PRKAG1: variants seen among roughly 807,000 people sequenced by gnomAD.
PRKAG1 encodes protein kinase AMP-activated non-catalytic subunit gamma 1, also known as 5'-AMP-activated protein kinase subunit gamma-1.
Under a neutral mutation model 48.2 loss-of-function variants are expected in PRKAG1, and 27 were observed. That is an observed-to-expected ratio of 0.56 (90% CI 0.41 to 0.77). PRKAG1 has a LOEUF of 0.77. PRKAG1 is among the 30% of genes least tolerant of loss of function. The pLI is 0.00. For synonymous variants in PRKAG1, 130 were observed against 147.7 expected (o/e 0.88, Z 0.87); for missense variants, 287 against 398.3 (o/e 0.72, Z 2.38).
In PRKAG1 at chr12:49,005,374, A is replaced by G; in HGVS notation, c.251-10T>C. 6.2e-7 allele frequency: 1 copy of G among 1,614,092 alleles called. No homozygotes were observed. Among genetic ancestry groups the G allele is most frequent in the Non-Finnish European group, 8.5e-7 (1 of 1,180,030 alleles). ...GTGATGGTCAGCATGCCTAGAGGACAAGACAGAGCCCTCAGCACTGCCTGA... is the reference window on the plus strand; with the variant it reads ...GTGATGGTCAGCATGCCTAGAGGACGAGACAGAGCCCTCAGCACTGCCTGA... On this transcript the variant is annotated splice_polypyrimidine_tract_variant and intron_variant, in intron 4 of 11. Transcript: ENST00000548065. The surrounding 1 kb of genome is among the most constrained non-coding windows in gnomAD (Gnocchi z 4.1).
Position 49,005,280 on chromosome 12 carries a change from T to C in PRKAG1, c.309+26A>G, listed in dbSNP as rs1305068290. 1.2e-6 allele frequency: 2 copies of C among 1,613,612 alleles called. No individual in the cohort carries two copies. Among genetic ancestry groups the C allele is most frequent in the Admixed American group, 1.7e-5 (1 of 59,986 alleles). ...GGGATTTAGGGCAGGGAAAGTGATTTTGGTCATTGGGTTAAGGTTCCTTAC... is the reference window on the plus strand; with the variant it reads ...GGGATTTAGGGCAGGGAAAGTGATTCTGGTCATTGGGTTAAGGTTCCTTAC... On this transcript the variant is annotated intron_variant, in intron 5 of 11. Transcript: ENST00000548065. This position sits in a 1 kb window ranked among gnomAD's most constrained non-coding sequence, Gnocchi z 4.1.
rs199915389 is a variant in PRKAG1, at chr12:49,015,605, CTG to C, written c.10-2497_10-2496del. 5.0e-3 allele frequency among the ~76,000 whole-genome samples: 754 copies of C among 152,258 alleles called. 6 individuals are homozygous for C. The highest frequency in any genetic ancestry group is 0.017 in the African/African-American group (706 of 41,542). On this transcript the variant is annotated intron_variant, in intron 1 of 11. Transcript: ENST00000548065. ...TTTTGGGCGGGTGGGCAGAGTCTCG[CTG>C]TGTCTCCCAGGCTGGAGTGCAGTGA...
chr12:49,008,773 C>T (rs1941644881), intron 2 of PRKAG1, among the ~76,000 whole-genome samples: 2 of 152,174 alleles, frequency 1.3e-5, no homozygotes, highest in African/African-American at 2.4e-5. Context: ...CTGCTAGCTG[C>T]TGGTGTTGTT....
intron 2 of PRKAG1, among the ~76,000 whole-genome samples, chr12:49,011,902 G>A (rs761668527): frequency 1.3e-5 from 2 of 151,398 alleles, no homozygotes; most frequent in Non-Finnish European, 2.9e-5. Context: ...CTGTCGCCCA[G>A]GCTGGGGTGT....
Position 49,005,702 on chromosome 12 carries a change from A to G in PRKAG1, c.168+41T>C, listed in dbSNP as rs1941508672. ...GAGATAGGATGAGAGGTATTAAACC[A>G]CAGGCTCCAAAGGGGGAAGGGAAAA... On this transcript the variant is annotated intron_variant, in intron 3 of 11. Transcript: ENST00000548065. The surrounding 1 kb of genome is among the most constrained non-coding windows in gnomAD (Gnocchi z 4.1). 1 of 1,608,002 alleles carries G rather than the reference A, an allele frequency of 6.2e-7. No homozygotes were observed. Among genetic ancestry groups the G allele is most frequent in the Admixed American group, 1.7e-5 (1 of 59,980 alleles).
intron 2 of PRKAG1, among the ~76,000 whole-genome samples, chr12:49,009,628 T>C (rs1941679588): frequency 6.6e-6 from 1 of 152,170 alleles, no homozygotes; most frequent in Admixed American, 6.5e-5. Flanking sequence ...TTTTGTTTTT[T>C]TGAGACAGAG....
In PRKAG1 at chr12:49,018,733, G is replaced by C. The variant is rs765950307; in HGVS notation, c.8C>G (p.Thr3Arg). 2 of 1,613,230 alleles carry C rather than the reference G, an allele frequency of 1.2e-6. No homozygotes were observed. The highest frequency in any genetic ancestry group is 1.7e-6 in the Non-Finnish European group (2 of 1,179,994). Residue 3 changes from threonine to arginine, a missense_variant and splice_region_variant, in exon 1 of 12, where the codon ACG (threonine) becomes AGG (arginine). Physicochemically the swap from Thr to Arg is moderately conservative, Grantham distance 71. This residue lies in a region of PRKAG1 where 63 missense variants were observed against 54.0 expected (regional missense o/e 1.17). Transcript: ENST00000548065. ...CGACCGCCCTCCTGCACTCCTCACC[G>C]TCTCCATTGCAAGAGGCGCCCGGCT... is the stretch of plus-strand genomic sequence containing the variant. ME[T>R]VISSDSSPAV...
At chr12:49,003,648 C>T in intron 9 of PRKAG1, 53 bp from the exon 10 acceptor site, 2 of 1,612,092 alleles carry the variant, frequency 1.2e-6, no homozygotes, top group Non-Finnish European at 1.7e-6. Flanking sequence ...AAAGCTCCCC[C>T]TACTCATAGA....
rs567537048 is a variant in PRKAG1 at position 49,002,830 on chromosome 12, T to C, written c.*69A>G. The stretch of plus-strand genomic sequence containing the variant: ...ACAATTCCCTCAAGTTTCATCTGAT[T>C]CCCACAGAGCTTCCAGCAGGCAGTG... On this transcript the variant is annotated 3_prime_UTR_variant, in exon 12 of 12. Transcript: ENST00000548065. 3 of 1,420,850 alleles carry C rather than the reference T, an allele frequency of 2.1e-6. No homozygotes were observed. Among genetic ancestry groups the C allele is most frequent in the Admixed American group, 3.7e-5 (2 of 54,226 alleles). 88.0% of individuals were successfully genotyped at this position (1,420,850 alleles called of 1,614,324 possible). A position where few individuals can be genotyped will look rare whatever the true frequency, so the allele number is the denominator to read the frequency against.
rs747290940 is a variant in PRKAG1 at position 49,005,295 on chromosome 12, A to T, written c.309+11T>A. 3.1e-6 allele frequency: 5 copies of T among 1,614,062 alleles called. No homozygotes were observed. The Admixed American group carries it at 8.3e-5, about 27-fold the overall frequency. Reference sequence around the variant, plus strand: ...GAAAGTGATTTTGGTCATTGGGTTAAGGTTCCTTACCAAGGCTGATTTATA... The same window carrying T: ...GAAAGTGATTTTGGTCATTGGGTTATGGTTCCTTACCAAGGCTGATTTATA... On this transcript the variant is annotated intron_variant, in intron 5 of 11. Coordinates refer to ENST00000548065, the MANE Select transcript of PRKAG1 (RefSeq NM_002733.5). This position sits in a 1 kb window ranked among gnomAD's most constrained non-coding sequence, Gnocchi z 4.1.
In PRKAG1 at chr12:49,005,861, G is replaced by C. The variant is rs1941517127; in HGVS notation, c.59-9C>G. 1 of 1,556,260 alleles carries C rather than the reference G, an allele frequency of 6.4e-7. No individual in the cohort carries two copies. The highest frequency in any genetic ancestry group is 1.4e-5 in the African/African-American group (1 of 72,612). ...GTTGGATTCTGGGGTCTCTGCATAG[G>C]GTGGGATAGTTAGTAGCTTCCTTCC... On this transcript the variant is annotated splice_polypyrimidine_tract_variant and intron_variant, in intron 2 of 11. Coordinates refer to ENST00000548065, the MANE Select transcript of PRKAG1 (RefSeq NM_002733.5). The surrounding 1 kb of genome is among the most constrained non-coding windows in gnomAD (Gnocchi z 4.1).
chr12:49,002,981 T>C lies in PRKAG1; in HGVS notation c.914A>G (p.Glu305Gly). The stretch of plus-strand genomic sequence containing the variant: ...TACAATTCCCTTGACCACATCATTT[T>C]CATCCACCACTACAAGTCGGTGAAC... ...AEVHRLVVVD[E>G]NDVVKGIVSL... The change falls in exon 12 of 12, where the codon GAA becomes GGA. Residue 305 changes from glutamate (E) to glycine (G), a missense_variant. Physicochemically the swap from Glu to Gly is moderately conservative, Grantham distance 98. Around this residue, in one of 2 missense-constraint regions of PRKAG1, gnomAD observed 224 missense variants for 344.3 expected, o/e 0.65. Coordinates refer to ENST00000548065, the MANE Select transcript of PRKAG1 (RefSeq NM_002733.5). 6.2e-7 allele frequency: 1 copy of C among 1,614,236 alleles called. No homozygotes were observed. The highest frequency in any genetic ancestry group is 1.1e-5 in the South Asian group (1 of 91,090).
At chr12:49,007,696 AT>A (rs569447907) in intron 2 of PRKAG1, among the ~76,000 whole-genome samples, 8 of 146,816 alleles carry the variant, frequency 5.4e-5, no homozygotes, top group East Asian at 2.0e-4. Flanking sequence ...GCTAGTTTCC[AT>A]TTTTTTTTTC....
chr12:49,012,796 C>T, intron 2 of PRKAG1: 4 of 464,090 alleles, frequency 8.6e-6, no homozygotes, highest in Non-Finnish European at 1.6e-5. Flanking sequence ...TGGTAGCCAG[C>T]CCAGAGTTGC....
At chr12:49,016,138 T>C (rs1228912076) in intron 1 of PRKAG1, among the ~76,000 whole-genome samples, 1 of 152,072 alleles carries the variant, frequency 6.6e-6, no homozygotes, top group Non-Finnish European at 1.5e-5. Context: ...GGGGTCTCGC[T>C]ATGTTGACCA....
chr12:49,007,372 GTAGT>G (rs751095343), intron 2 of PRKAG1, among the ~76,000 whole-genome samples: 26 of 152,050 alleles, frequency 1.7e-4, no homozygotes, highest in Admixed American at 4.6e-4. Context: ...GAAAATAGGT[GTAGT>G]TAAATAAACT....
rs1333670350 is a variant in PRKAG1, at chr12:49,002,744, C to T, written c.*155G>A. The T allele has an allele frequency of 1.2e-5, 9 of 767,278 alleles. No homozygotes were observed. Among genetic ancestry groups the T allele is most frequent in the African/African-American group, 1.7e-5 (1 of 58,296 alleles). The allele number at this position is 767,278 out of a possible 1,614,324, so 47.5% of individuals were successfully genotyped here. On this transcript the variant is annotated 3_prime_UTR_variant, in exon 12 of 12. Transcript: ENST00000548065. ...AGCTATAAATCCATTCTCTTTCCTC[C>T]CCCATACCTTCCCTAGCTCCCAGAT...
At chr12:49,016,006 C>T (rs151211939) in intron 1 of PRKAG1, among the ~76,000 whole-genome samples, 99 of 151,020 alleles carry the variant, frequency 6.6e-4, no homozygotes, top group African/African-American at 2.4e-3. Flanking sequence ...AGTGCAGCGG[C>T]ATGATCACAG....
chr12:49,008,215 A>T (rs183282757), intron 2 of PRKAG1, among the ~76,000 whole-genome samples: 1 of 151,496 alleles, frequency 6.6e-6, no homozygotes, highest in Admixed American at 6.6e-5. Context: ...CAAATAGTAA[A>T]CTCTGATTTT....
Sources: allele counts gnomAD v4.1 joint callset (sites outside exome capture counted in the v4.1 genomes callset), GRCh38; gene constraint gnomAD v4.1.1; regional missense constraint gnomAD v4.1.1; non-coding constraint Gnocchi (gnomAD v3.1); transcripts MANE v1.5; gene names NCBI Gene and HGNC (gene_info 2026-07-23, HGNC 2026-07-21).